The following TFCP2 variants were observed in gnomAD, a reference collection of about 807,000 sequenced individuals.
TFCP2 encodes the protein alpha-globin transcription factor CP2.
Under a neutral mutation model 73.4 loss-of-function variants are expected in TFCP2, and 33 were observed. The ratio of observed to expected loss-of-function variants is 0.45; its 90% confidence interval spans 0.34 to 0.60. The LOEUF (loss-of-function observed/expected upper bound fraction) is 0.60. Among genes scored for constraint, TFCP2 ranks in the 20% least tolerant of loss-of-function variants. The pLI is 0.01. For synonymous variants in TFCP2, 193 were observed against 211.6 expected (o/e 0.91, Z 0.76); for missense variants, 352 against 604.0 (o/e 0.58, Z 4.37).
Position 51,172,447 on chromosome 12 carries a change from G to A in TFCP2, c.-25C>T. The A allele has an allele frequency of 6.2e-7, 1 of 1,613,656 alleles. No individual in the cohort carries two copies. The highest frequency in any genetic ancestry group is 8.5e-7 in the Non-Finnish European group (1 of 1,179,876). ...TCCTGGCTCCTTCCTTGCCCCAGGAGACACCGTGTCTTGTACAAAGGCGCG... is the reference window on the plus strand; with the variant it reads ...TCCTGGCTCCTTCCTTGCCCCAGGAAACACCGTGTCTTGTACAAAGGCGCG... On this transcript the variant is annotated 5_prime_UTR_variant, in exon 1 of 15. Coordinates refer to ENST00000257915, the MANE Select transcript of TFCP2 (RefSeq NM_005653.5).
intron 1 of TFCP2, among the ~76,000 whole-genome samples, chr12:51,154,263 C>T (rs1327425723): frequency 6.6e-6 from 1 of 152,050 alleles, no homozygotes; most frequent in Non-Finnish European, 1.5e-5. Flanking sequence ...ATGTGTGAAA[C>T]CAGGGAGAGT....
chr12:51,169,199 A>G (rs1941811158), intron 1 of TFCP2, among the ~76,000 whole-genome samples: 1 of 151,932 alleles, frequency 6.6e-6, no homozygotes, highest in African/African-American at 2.4e-5. Context: ...AATAGATTAA[A>G]TGTGTATAAG....
At chr12:51,100,771 A>G in intron 11 of TFCP2, among the ~76,000 whole-genome samples, 1 of 152,080 alleles carries the variant, frequency 6.6e-6, no homozygotes, top group East Asian at 1.9e-4. Context: ...CCATGATTGC[A>G]TTGCTGCACT....
intron 1 of TFCP2, among the ~76,000 whole-genome samples, chr12:51,144,998 C>T (rs889379113): frequency 1.3e-5 from 2 of 151,924 alleles, no homozygotes; most frequent in African/African-American, 2.4e-5. Context: ...GTCAGGAGTT[C>T]GAGACCAGCC....
intron 1 of TFCP2, among the ~76,000 whole-genome samples, chr12:51,136,157 A>T (rs1260776889): frequency 2.0e-5 from 3 of 151,830 alleles, no homozygotes; most frequent in Non-Finnish European, 4.4e-5. Context: ...ATACAAAAAA[A>T]TTTTAGCCAG....
At chr12:51,162,203 T>C (rs553101320) in intron 1 of TFCP2, among the ~76,000 whole-genome samples, 11 of 152,116 alleles carry the variant, frequency 7.2e-5, no homozygotes, top group East Asian at 5.8e-4. Context: ...CCCAGCACTT[T>C]GGGAGGCTGA....
chr12:51,109,581 G>A (rs1940342605), intron 5 of TFCP2, among the ~76,000 whole-genome samples: 1 of 152,148 alleles, frequency 6.6e-6, no homozygotes, highest in Non-Finnish European at 1.5e-5. Context: ...GTTAGTTAAA[G>A]TTTCCTCAAT....
At chr12:51,125,322 C>A in intron 1 of TFCP2, 2 of 526,074 alleles carry the variant, frequency 3.8e-6, no homozygotes, top group Non-Finnish European at 7.4e-6. Flanking sequence ...CCAACATCCA[C>A]ATTATATAAG....
chr12:51,144,323 T>C (rs928564956), intron 1 of TFCP2, among the ~76,000 whole-genome samples: 3 of 152,142 alleles, frequency 2.0e-5, no homozygotes, highest in Middle Eastern at 6.3e-3. Flanking sequence ...TGTGTGCCAC[T>C]GCACCCAGCC....
chr12:51,103,900 T>A (rs557706439), intron 9 of TFCP2, 137 bp from the exon 10 acceptor site: 4 of 747,628 alleles, frequency 5.4e-6, no homozygotes, highest in Non-Finnish European at 8.9e-6. Context: ...TCTCCAACCA[T>A]GCAAGATGCT....
chr12:51,133,373 C>T (rs979462139), intron 1 of TFCP2, among the ~76,000 whole-genome samples: 1 of 151,982 alleles, frequency 6.6e-6, no homozygotes, highest in African/African-American at 2.4e-5. Context: ...GGCGTAATCA[C>T]CACTCACTGT....
chr12:51,104,134 G>C (rs1940175457), intron 9 of TFCP2, 21 bp downstream of exon 9: 1 of 1,613,008 alleles, frequency 6.2e-7, no homozygotes, highest in African/African-American at 1.3e-5. Context: ...GCAAGTAACT[G>C]ACATTCAACT....
chr12:51,156,045 CA>C (rs71712150), intron 1 of TFCP2, among the ~76,000 whole-genome samples: 43 of 146,520 alleles, frequency 2.9e-4, no homozygotes, highest in South Asian at 1.1e-3. Context: ...CTTTTTGTCT[CA>C]AAAAAAAAAA....
chr12:51,162,445 CA>C (rs34045047), intron 1 of TFCP2, among the ~76,000 whole-genome samples: 145 of 109,684 alleles, frequency 1.3e-3, no homozygotes, highest in Admixed American at 1.7e-3. Context: ...GACTCCATCT[CA>C]AAAAAAAAAA....
chr12:51,151,645 C>T (rs1941429096), intron 1 of TFCP2, among the ~76,000 whole-genome samples: 1 of 151,988 alleles, frequency 6.6e-6, no homozygotes, highest in South Asian at 2.1e-4. Context: ...ACCGTGTTAG[C>T]CAGGATGCTC....
rs919281990 is a variant in TFCP2 at position 51,158,578 on chromosome 12, T to G, written c.122+13723A>C. 6.6e-5 allele frequency among the ~76,000 whole-genome samples: 10 copies of G among 151,874 alleles called. No homozygotes were observed. In the East Asian group the frequency reaches 2.0e-3, roughly 30 times the overall value. On this transcript the variant is annotated intron_variant, in intron 1 of 14. Coordinates refer to ENST00000257915, the MANE Select transcript of TFCP2 (RefSeq NM_005653.5). ...ATCTCGGCTCACTGCAACCTCTGCCTCCCAGGTTCATGTGATTCTCCTGCC... is the reference window on the plus strand; with the variant it reads ...ATCTCGGCTCACTGCAACCTCTGCCGCCCAGGTTCATGTGATTCTCCTGCC...
intron 4 of TFCP2, among the ~76,000 whole-genome samples, chr12:51,113,169 GT>G (rs1940442869): frequency 6.6e-6 from 1 of 152,176 alleles, no homozygotes; most frequent in African/African-American, 2.4e-5. Context: ...CACAATATTA[GT>G]TGTGTTAGAT....
chr12:51,151,795 C>T (rs1941433585), intron 1 of TFCP2, among the ~76,000 whole-genome samples: 2 of 152,114 alleles, frequency 1.3e-5, no homozygotes. Context: ...TTCCTGCTGG[C>T]CAAACCTGGA....
rs936452375 is a variant in TFCP2 at position 51,101,936 on chromosome 12, G to A, written c.1150C>T (p.Arg384Trp). Residue 384 changes from arginine to tryptophan, a missense_variant and splice_region_variant, in exon 11 of 15, where the codon CGG becomes TGG. Transcript: ENST00000257915. ...GATATTTTAACACTAATTACATACC[G>A]GCCTTTTAATGCATTAAAAAGTCTG... ...GIRLFNALKGRMVRPRLTIYV... is the reference protein window; with the variant it reads ...GIRLFNALKGWMVRPRLTIYV... 3 of 1,598,476 alleles carry A rather than the reference G, an allele frequency of 1.9e-6. No individual in the cohort carries two copies. Among genetic ancestry groups the A allele is most frequent in the Non-Finnish European group, 2.6e-6 (3 of 1,166,338 alleles).
Sources: allele counts gnomAD v4.1 joint callset (sites outside exome capture counted in the v4.1 genomes callset), GRCh38; gene constraint gnomAD v4.1.1; transcripts MANE v1.5; gene names NCBI Gene and HGNC (gene_info 2026-07-23, HGNC 2026-07-21).